Variants in KDM1B observed in about 807,000 individuals in gnomAD.
KDM1B encodes the protein lysine demethylase 1B.
A neutral mutation model predicts 107.4 loss-of-function variants in KDM1B; 63 were observed. That is an observed-to-expected ratio of 0.59 (90% confidence interval 0.48 to 0.72). KDM1B has a LOEUF of 0.72. Ranked by LOEUF, KDM1B falls within the 30% of genes least tolerant of loss-of-function variation. The pLI is 0.00. For synonymous variants in KDM1B, 363 were observed against 363.9 expected (o/e 1.00, Z 0.03); for missense variants, 749 against 1,020.8 (o/e 0.73, Z 3.63).
chr6:18,202,863 T>C (rs214610), intron 14 of KDM1B, among the ~76,000 whole-genome samples: 11,146 of 152,296 alleles, frequency 0.073, 485 homozygotes, highest in South Asian at 0.22. Context: ...TTGACTGATA[T>C]ACTACAAGAG....
Position 18,191,175 on chromosome 6 carries a change from G to C in KDM1B, c.785-22G>C. ...TTGGAAGTTACAGCTTGTAGGAGTT[G>C]CCCATTTGTGTTACCTATCAGTTCC... On this transcript the variant is annotated intron_variant, in intron 9 of 21. Coordinates refer to ENST00000650836, the MANE Select transcript of KDM1B (RefSeq NM_001364614.2). The surrounding 1 kb of genome is among the most constrained non-coding windows in gnomAD (Gnocchi z 5.1). 6.5e-7 allele frequency: 1 copy of C among 1,546,176 alleles called. No individual in the cohort carries two copies. Among genetic ancestry groups the C allele is most frequent in the Non-Finnish European group, 8.7e-7 (1 of 1,144,574 alleles).
At position 18,191,135 on chromosome 6, in the gene KDM1B, T is replaced by C; in HGVS notation, c.785-62T>C. ...TTACTTTTTGGTTTGCTTTTGCCCT[T>C]TAATTCTTCTGGATTTGGAAGTTAC... On this transcript the variant is annotated intron_variant, in intron 9 of 21. Transcript: ENST00000650836. The surrounding 1 kb of genome is among the most constrained non-coding windows in gnomAD (Gnocchi z 5.1). 6.7e-7 allele frequency: 1 copy of C among 1,484,032 alleles called. No individual in the cohort carries two copies. 91.9% of individuals were successfully genotyped at this position (1,484,032 alleles called of 1,614,324 possible). A position where few individuals can be genotyped will look rare whatever the true frequency, so the allele number is the denominator to read the frequency against.
At position 18,201,448 on chromosome 6, in the gene KDM1B, G is replaced by A; in HGVS notation, c.1360-38G>A. 6.8e-7 allele frequency: 1 copy of A among 1,468,738 alleles called. No homozygotes were observed. Among genetic ancestry groups the A allele is most frequent in the Non-Finnish European group, 9.2e-7 (1 of 1,092,108 alleles). 91.0% of individuals were successfully genotyped at this position (1,468,738 alleles called of 1,614,324 possible). A position where few individuals can be genotyped will look rare whatever the true frequency, so the allele number is the denominator to read the frequency against. ...TAGAACCTGTAAATATTTTTTTCCA[G>A]GGAAAATTTTCACCTTCTTATTCTT... On this transcript the variant is annotated intron_variant, in intron 13 of 21. Coordinates refer to ENST00000650836, the MANE Select transcript of KDM1B (RefSeq NM_001364614.2). The surrounding 1 kb of genome is among the most constrained non-coding windows in gnomAD (Gnocchi z 4.3).
intron 7 of KDM1B, among the ~76,000 whole-genome samples, chr6:18,178,288 A>T (rs573792205): frequency 6.6e-6 from 1 of 152,036 alleles, no homozygotes; most frequent in Non-Finnish European, 1.5e-5. Context: ...GTTTCACCAC[A>T]TTGGCCAGGC....
Position 18,195,088 on chromosome 6 carries a change from C to T in KDM1B, c.970-1969C>T, listed in dbSNP as rs541406784. On this transcript the variant is annotated intron_variant, in intron 10 of 21. Coordinates refer to ENST00000650836, the MANE Select transcript of KDM1B (RefSeq NM_001364614.2). ...CTTCTTTTGCTTGGCATAATGTTTT[C>T]AAGGTTTATCCATGTTGTAGCACGT... 9.2e-5 allele frequency among the ~76,000 whole-genome samples: 14 copies of T among 152,210 alleles called. No homozygotes were observed. The East Asian group carries it at 2.7e-3, about 29-fold the overall frequency.
chr6:18,181,166 A>G (rs1443359706), intron 7 of KDM1B, among the ~76,000 whole-genome samples: 1 of 152,172 alleles, frequency 6.6e-6, no homozygotes, highest in African/African-American at 2.4e-5. Flanking sequence ...AAGATAGCAG[A>G]AAAAAATTCA....
At position 18,191,689 on chromosome 6, in the gene KDM1B, CAT is replaced by C. The variant is rs766080143; in HGVS notation, c.969+310_969+311del. ...TTGAAAACCACCACTTTAGACCACA[CAT>C]AGTCAGAATGCTGACTCTCCAGTGG... On this transcript the variant is annotated intron_variant, in intron 10 of 21. Coordinates refer to ENST00000650836, the MANE Select transcript of KDM1B (RefSeq NM_001364614.2). The surrounding 1 kb of genome is among the most constrained non-coding windows in gnomAD (Gnocchi z 5.1). Among the ~76,000 whole-genome samples the C allele has an allele frequency of 2.0e-5, 3 of 152,142 alleles. No individual in the cohort carries two copies. Among genetic ancestry groups the C allele is most frequent in the Non-Finnish European group, 4.4e-5 (3 of 68,040 alleles).
chr6:18,170,335 A>G (rs1418472837), intron 6 of KDM1B, among the ~76,000 whole-genome samples: 1 of 152,214 alleles, frequency 6.6e-6, no homozygotes, highest in African/African-American at 2.4e-5. Flanking sequence ...ACTTTGGCAT[A>G]GTACTAATAA....
chr6:18,159,932 T>C lies in KDM1B; in HGVS notation c.37T>C (p.Ser13Pro). The C allele has an allele frequency of 6.2e-7, 1 of 1,610,750 alleles. No homozygotes were observed. The highest frequency in any genetic ancestry group is 1.3e-5 in the African/African-American group (1 of 74,956). The change falls in exon 3 of 22, where the codon TCT becomes CCT. Residue 13 changes from serine (S) to proline (P), a missense_variant. Transcript: ENST00000650836. This position sits in a 1 kb window ranked among gnomAD's most constrained non-coding sequence, Gnocchi z 4.5. ...ACGGGGGAGGACAAAGAAAAAAGCA[T>C]CTTTTGATCATTCTCCGGATAGCCT... Reference protein sequence around the residue: ...TPRGRTKKKASFDHSPDSLPL... With the variant: ...TPRGRTKKKAPFDHSPDSLPL...
At chr6:18,193,450 G>A (rs946645659) in intron 10 of KDM1B, among the ~76,000 whole-genome samples, 1 of 150,796 alleles carries the variant, frequency 6.6e-6, no homozygotes, top group African/African-American at 2.4e-5. Flanking sequence ...GGGACCACAG[G>A]CACGTGCCAC....
At chr6:18,218,035 C>A in intron 21 of KDM1B, 150 bp downstream of exon 21, 1 of 762,294 alleles carries the variant, frequency 1.3e-6, no homozygotes, top group Non-Finnish European at 2.1e-6. Context: ...CATCCTCTTG[C>A]TCCCAGAGGC....
intron 21 of KDM1B, among the ~76,000 whole-genome samples, chr6:18,221,501 G>GTT (rs1411009987): frequency 6.6e-6 from 1 of 152,032 alleles, no homozygotes; most frequent in African/African-American, 2.4e-5. Context: ...TTTGAGTAAC[G>GTT]TAACTCTCTA....
rs1274863475 is a variant in KDM1B at position 18,196,970 on chromosome 6, G to A, written c.970-87G>A. On this transcript the variant is annotated intron_variant, in intron 10 of 21. Coordinates refer to ENST00000650836, the MANE Select transcript of KDM1B (RefSeq NM_001364614.2). ...AAATGTTGATTCAGATCTTTTACTTGTCTTTTAAATGGATTGTTTTCCTGC... is the reference window on the plus strand; with the variant it reads ...AAATGTTGATTCAGATCTTTTACTTATCTTTTAAATGGATTGTTTTCCTGC... 4.9e-6 allele frequency: 6 copies of A among 1,229,608 alleles called. 1 individual carries two copies. The highest frequency in any genetic ancestry group is 4.3e-5 in the South Asian group (3 of 70,498). 76.2% of individuals were successfully genotyped at this position (1,229,608 alleles called of 1,614,324 possible).
chr6:18,180,234 G>A (rs527992849), intron 7 of KDM1B, among the ~76,000 whole-genome samples: 2 of 151,990 alleles, frequency 1.3e-5, no homozygotes, highest in South Asian at 2.1e-4. Context: ...TGGGAGCTGG[G>A]AACTGAGCAA....
rs1287131234 is a variant in KDM1B at position 18,211,006 on chromosome 6, G to A, written c.1867-1482G>A. Among the ~76,000 whole-genome samples, 1 of 151,922 alleles carries A rather than the reference G, an allele frequency of 6.6e-6. No individual in the cohort carries two copies. Among genetic ancestry groups the A allele is most frequent in the East Asian group, 1.9e-4 (1 of 5,168 alleles). The stretch of plus-strand genomic sequence containing the variant: ...CAGAGCAAGACCCTGTCTCTTTAAA[G>A]GGGAAAAAAATCTAGATTTTATTTA... On this transcript the variant is annotated intron_variant, in intron 17 of 21. Transcript: ENST00000650836. The surrounding 1 kb of genome is among the most constrained non-coding windows in gnomAD (Gnocchi z 5.2).
At position 18,187,856 on chromosome 6, in the gene KDM1B, A is replaced by G; in HGVS notation, c.638A>G (p.Asp213Gly). 6.4e-7 allele frequency: 1 copy of G among 1,550,500 alleles called. No homozygotes were observed. Among genetic ancestry groups the G allele is most frequent in the Non-Finnish European group, 8.7e-7 (1 of 1,146,982 alleles). Reference sequence around the variant, plus strand: ...CTCATCCTACCTCCTTTGCTGAAAGACAGTGTGGCAGCGCCCCTGCTGTCT... The same window carrying G: ...CTCATCCTACCTCCTTTGCTGAAAGGCAGTGTGGCAGCGCCCCTGCTGTCT... ...SMLILPPLLK[D>G]SVAAPLLSAY... Residue 213 changes from aspartate (D) to glycine (G), a missense_variant, in exon 9 of 22, where the codon GAC becomes GGC. Transcript: ENST00000650836.
intron 7 of KDM1B, among the ~76,000 whole-genome samples, chr6:18,175,155 G>A (rs548150166): frequency 6.6e-6 from 1 of 152,184 alleles, no homozygotes; most frequent in Admixed American, 6.6e-5. Context: ...ATCTACTGTG[G>A]TTTGATATTT....
chr6:18,186,666 C>A lies in KDM1B; in HGVS notation c.573+856C>A, dbSNP rs1786873008. ...GAAGGAAAGAGGGTTAACTGACTCA[C>A]AGTTCTGCATGGCTGGGGAGGCCTC... On this transcript the variant is annotated intron_variant, in intron 8 of 21. Coordinates refer to ENST00000650836, the MANE Select transcript of KDM1B (RefSeq NM_001364614.2). This position sits in a 1 kb window ranked among gnomAD's most constrained non-coding sequence, Gnocchi z 5.6. 6.6e-6 allele frequency among the ~76,000 whole-genome samples: 1 copy of A among 152,156 alleles called. No homozygotes were observed. Among genetic ancestry groups the A allele is most frequent in the South Asian group, 2.1e-4 (1 of 4,832 alleles).
rs182315525 is a variant in KDM1B, at chr6:18,165,331, T to C, written c.306-936T>C. On this transcript the variant is annotated intron_variant, in intron 5 of 21. Coordinates refer to ENST00000650836, the MANE Select transcript of KDM1B (RefSeq NM_001364614.2). The stretch of plus-strand genomic sequence containing the variant: ...ATTTTTAGTAGAGACGGGGTTTCAC[T>C]GTGTTAGCCAGGATGGTCTCGATCT... Among the ~76,000 whole-genome samples, 475 of 151,754 alleles carry C rather than the reference T, an allele frequency of 3.1e-3. 1 individual carries two copies. Among genetic ancestry groups the C allele is most frequent in the Non-Finnish European group, 4.9e-3 (334 of 67,874 alleles).
Sources: gnomAD v4.1 joint callset for allele counts (sites outside exome capture counted in the v4.1 genomes callset) on GRCh38, gnomAD v4.1.1 for gene constraint, Gnocchi (gnomAD v3.1) non-coding constraint, MANE v1.5 for transcripts, NCBI Gene and HGNC (gene_info 2026-07-23, HGNC 2026-07-21) for gene names.